Variants in CHL1 observed in about 807,000 individuals in gnomAD.
CHL1 encodes the protein cell adhesion molecule L1 like, also known as neural cell adhesion molecule L1-like protein.
CHL1 carries 96 observed loss-of-function variants against 141.9 expected under a neutral mutation model. That is an observed-to-expected ratio of 0.68 (90% CI 0.57 to 0.80). CHL1 has a LOEUF of 0.80. CHL1 is among the 30% of genes least tolerant of loss of function. The pLI is 0.00. For missense variants in CHL1, 1,820 were observed against 1,457.2 expected (o/e 1.25, Z -4.05); for synonymous variants, 613 against 502.2 (o/e 1.22, Z -2.95).
chr3:348,870 C>T (rs1241562938), intron 9 of CHL1, among the ~76,000 whole-genome samples: 1 of 152,220 alleles, frequency 6.6e-6, no homozygotes, highest in South Asian at 2.1e-4. Context: ...GAGCCCCATT[C>T]TCCATGATCA....
intron 9 of CHL1, 127 bp from the exon 10 acceptor site, chr3:349,232 G>T: frequency 1.4e-6 from 1 of 735,488 alleles, no homozygotes; most frequent in Non-Finnish European, 2.2e-6. Context: ...TGGTAAGGAT[G>T]ACGTGATTCA....
intron 2 of CHL1, among the ~76,000 whole-genome samples, chr3:303,580 T>A (rs1219922253): frequency 6.6e-6 from 1 of 152,218 alleles, no homozygotes; most frequent in Non-Finnish European, 1.5e-5. Context: ...GCACGTTGAT[T>A]TTGTATCCTG....
In CHL1 at chr3:405,825, C is replaced by CTGCAATTATGA. The variant is rs1709499547; in HGVS notation, c.*114_*115insTGCAATTATGA. 8.6e-6 allele frequency: 6 copies of CTGCAATTATGA among 696,604 alleles called. No individual in the cohort carries two copies. Among genetic ancestry groups the CTGCAATTATGA allele is most frequent in the Non-Finnish European group, 1.2e-5 (5 of 410,618 alleles). 43.2% of individuals were successfully genotyped at this position (696,604 alleles called of 1,614,324 possible). ...AAACATGCTGGCCGAAGATTTCATC[C>CTGCAATTATGA]AGAAGTCAACATCCTGCAATTATGT... is the stretch of plus-strand genomic sequence containing the variant. On this transcript the variant is annotated 3_prime_UTR_variant, in exon 28 of 28. Coordinates refer to ENST00000256509, the MANE Select transcript of CHL1 (RefSeq NM_006614.4).
chr3:211,098 A>T (rs1699866956), intron 1 of CHL1, among the ~76,000 whole-genome samples: 1 of 152,224 alleles, frequency 6.6e-6, no homozygotes, highest in South Asian at 2.1e-4. Context: ...CAGAGTCAAA[A>T]GGGCCACGGT....
intron 1 of CHL1, among the ~76,000 whole-genome samples, chr3:244,282 T>C (rs1351711617): frequency 6.6e-6 from 1 of 152,218 alleles, no homozygotes. Context: ...AACCGCTATG[T>C]AGAAATGCTT....
intron 2 of CHL1, among the ~76,000 whole-genome samples, chr3:300,969 C>A (rs1238203075): frequency 1.3e-5 from 2 of 152,118 alleles, no homozygotes; most frequent in East Asian, 3.9e-4. Flanking sequence ...GTAATTGAAG[C>A]TCAGGAGGGG....
chr3:280,438 TTTAGATAAGAATTAAAGTGCTGAATAAC>T lies in CHL1; in HGVS notation c.-95+35774_-95+35801del, dbSNP rs1393314068. Among the ~76,000 whole-genome samples, 5 of 152,258 alleles carry T rather than the reference TTTAGATAAGAATTAAAGTGCTGAATAAC, an allele frequency of 3.3e-5. No individual in the cohort carries two copies. The East Asian group carries it at 9.6e-4, about 29-fold the overall frequency. The stretch of plus-strand genomic sequence containing the variant: ...AGCAAACTGAAGAGCCACAAAATAA[TTTAGATAAGAATTAAAGTGCTGAATAAC>T]TTAGATAAGAATTAAAGTGCTGAAT... On this transcript the variant is annotated intron_variant, in intron 2 of 27. Transcript: ENST00000256509.
At chr3:317,875 A>G (rs1700267755) in intron 2 of CHL1, among the ~76,000 whole-genome samples, 1 of 151,928 alleles carries the variant, frequency 6.6e-6, no homozygotes, top group South Asian at 2.1e-4. Context: ...TCATCAGAAG[A>G]GTAGTGTCAA....
rs1221532238 is a variant in CHL1, at chr3:208,638, G to A, written c.-175+11575G>A. Among the ~76,000 whole-genome samples, 3 of 152,228 alleles carry A rather than the reference G, an allele frequency of 2.0e-5. No homozygotes were observed. In the South Asian group the frequency reaches 6.2e-4, roughly 32 times the overall value. On this transcript the variant is annotated intron_variant, in intron 1 of 27. Transcript: ENST00000256509. Reference sequence around the variant, plus strand: ...AGATTGCATTCCAGTATCCGTTTTGGTTATTTGAATATGGTACCATTAATG... The same window carrying A: ...AGATTGCATTCCAGTATCCGTTTTGATTATTTGAATATGGTACCATTAATG...
At chr3:264,744 G>C (rs1232275144) in intron 2 of CHL1, among the ~76,000 whole-genome samples, 2 of 152,190 alleles carry the variant, frequency 1.3e-5, no homozygotes, top group African/African-American at 2.4e-5. Flanking sequence ...AGAGTTGTAG[G>C]AGAAATGTGT....
chr3:242,459 G>T (rs1217145531), intron 1 of CHL1, among the ~76,000 whole-genome samples: 1 of 145,622 alleles, frequency 6.9e-6, no homozygotes, highest in Non-Finnish European at 1.5e-5. Flanking sequence ...ATCCCGGCGT[G>T]GTGGTGGGCG....
chr3:234,732 A>G (rs73018673), intron 1 of CHL1, among the ~76,000 whole-genome samples: 10,869 of 152,112 alleles, frequency 0.071, 433 homozygotes, highest in Middle Eastern at 0.12. Context: ...GAGATTGGCT[A>G]TGTTTAGACA....
chr3:398,838 G>C (rs1241926566), intron 25 of CHL1, among the ~76,000 whole-genome samples, 179 bp from the exon 26 acceptor site: 3 of 152,032 alleles, frequency 2.0e-5, no homozygotes, highest in African/African-American at 7.2e-5. Context: ...AAATAAAGAA[G>C]GAAAGATTTA....
At chr3:248,643 G>A (rs529010374) in intron 2 of CHL1, 1 of 152,140 alleles carries the variant, frequency 6.6e-6, no homozygotes, top group East Asian at 1.9e-4. Context: ...GATTTTAATA[G>A]GCTCAAGCTC....
chr3:323,120 T>A (rs1222420344), intron 3 of CHL1, among the ~76,000 whole-genome samples: 6 of 151,968 alleles, frequency 3.9e-5, no homozygotes, highest in Non-Finnish European at 7.4e-5. Context: ...ACTTTAAAGT[T>A]ATGACTGACA....
intron 20 of CHL1, 61 bp downstream of exon 20, chr3:389,535 A>G (rs1575266370): frequency 7.9e-7 from 1 of 1,265,246 alleles, no homozygotes; most frequent in South Asian, 1.2e-5. Context: ...AATATATTGT[A>G]CTTCAATCAA....
chr3:389,592 G>A (rs575971012), intron 20 of CHL1, 118 bp downstream of exon 20: 54 of 743,272 alleles, frequency 7.3e-5, no homozygotes, highest in Non-Finnish European at 1.0e-4. Flanking sequence ...TGTACTAGCC[G>A]TGGGAGATAA....
intron 2 of CHL1, among the ~76,000 whole-genome samples, chr3:280,784 C>G (rs941565063): frequency 5.3e-5 from 8 of 152,032 alleles, no homozygotes; most frequent in African/African-American, 1.9e-4. Context: ...TAAGTTTAAT[C>G]ATTACTCTTC....
intron 1 of CHL1, among the ~76,000 whole-genome samples, chr3:223,726 A>G (rs946901507): frequency 1.3e-5 from 2 of 152,182 alleles, no homozygotes; most frequent in African/African-American, 4.8e-5. Context: ...GACTGGATTT[A>G]TTATTACTCA....
Sources: gnomAD v4.1 joint callset for allele counts (sites outside exome capture counted in the v4.1 genomes callset) on GRCh38, gnomAD v4.1.1 for gene constraint, MANE v1.5 for transcripts, NCBI Gene and HGNC (gene_info 2026-07-23, HGNC 2026-07-21) for gene names.